Variants in MYO7B observed in about 807,000 individuals in gnomAD.
MYO7B encodes the protein myosin VIIB, also known as unconventional myosin-VIIb.
A neutral mutation model predicts 259.7 loss-of-function variants in MYO7B; 212 were observed. That is an observed-to-expected ratio of 0.82 (90% CI 0.73 to 0.91). The LOEUF (loss-of-function observed/expected upper bound fraction) is 0.91. Among genes scored for constraint, MYO7B ranks in the 40% least tolerant of loss-of-function variants. The pLI is 0.00. For synonymous variants in MYO7B, 1,197 were observed against 1,166.4 expected, an observed-to-expected ratio of 1.03 and a Z score of -0.54; for missense variants, 2,732 against 2,813.5, an observed-to-expected ratio of 0.97 and a Z score of 0.66.
Position 127,593,545 on chromosome 2 carries a change from G to A in MYO7B, c.2146-1G>A. On this transcript the variant is annotated splice_acceptor_variant, in intron 17 of 47. Coordinates refer to ENST00000409816, the MANE Select transcript of MYO7B (RefSeq NM_001393586.1). LOFTEE classifies it high-confidence loss of function. Reference sequence around the variant, plus strand: ...CCGATACCCCCGTTTGGTCTTGGCAGCTGCAAGGCAAGCTCCGCCAGATGA... The same window carrying A: ...CCGATACCCCCGTTTGGTCTTGGCAACTGCAAGGCAAGCTCCGCCAGATGA... The A allele has an allele frequency of 6.2e-7, 1 of 1,612,766 alleles. No individual in the cohort carries two copies. Among genetic ancestry groups the A allele is most frequent in the East Asian group, 2.2e-5 (1 of 44,784 alleles).
At chr2:127,563,728 C>T (rs1386663724) in intron 2 of MYO7B, among the ~76,000 whole-genome samples, 2 of 152,326 alleles carry the variant, frequency 1.3e-5, no homozygotes, top group South Asian at 2.1e-4. Flanking sequence ...TTCTAGTGCT[C>T]GTTTCTGTTT....
At chr2:127,595,461 T>G (rs1679739682) in intron 18 of MYO7B, among the ~76,000 whole-genome samples, 1 of 152,218 alleles carries the variant, frequency 6.6e-6, no homozygotes, top group South Asian at 2.1e-4. Context: ...TTCGTATCTC[T>G]ATCTCCTTCA....
rs759020233 is a variant in MYO7B at position 127,629,739 on chromosome 2, G to A, written c.4719G>A (p.Gln1573=). 2 of 1,612,260 alleles carry A rather than the reference G, an allele frequency of 1.2e-6. No homozygotes were observed. Among genetic ancestry groups the A allele is most frequent in the East Asian group, 2.2e-5 (1 of 44,820 alleles). Residue 1573 remains glutamine, a synonymous_variant, in exon 35 of 48, where the codon CAG becomes CAA. Coordinates refer to ENST00000409816, the MANE Select transcript of MYO7B (RefSeq NM_001393586.1). The stretch of plus-strand genomic sequence containing the variant: ...CCTCTGAGAACTGGACCCTCGGCCA[G>A]AACGACAGGACAGGCAAGACGGGGC... ...LLASENWTLG[Q]NDRTGKTGLV...
intron 44 of MYO7B, 90 bp downstream of exon 44, chr2:127,635,997 C>T (rs546545348): frequency 7.1e-7 from 1 of 1,407,926 alleles, no homozygotes; most frequent in South Asian, 1.4e-5. Flanking sequence ...GCTCCAAGAT[C>T]ACATGGGTGC....
At position 127,627,033 on chromosome 2, in the gene MYO7B, C is replaced by T; in HGVS notation, c.4274C>T (p.Ala1425Val). Residue 1425 changes from alanine to valine, a missense_variant, in exon 32 of 48, where the codon GCC (alanine) becomes GTC (valine). By Grantham distance (64) the Ala-to-Val change is moderately conservative. This residue lies in a region of MYO7B where 1,906 missense variants were observed against 2,026.4 expected (regional missense o/e 0.94). Coordinates refer to ENST00000409816, the MANE Select transcript of MYO7B (RefSeq NM_001393586.1). The surrounding 1 kb of genome is among the most constrained non-coding windows in gnomAD (Gnocchi z 5.6). ...PLAVREQVVDAARLQWPLLFS... is the reference protein window; with the variant it reads ...PLAVREQVVDVARLQWPLLFS... ...GCCGTGCGAGAGCAGGTGGTGGACG[C>T]CGCCCGCCTGCAGTGGCCGCTGCTC... 6.2e-7 allele frequency: 1 copy of T among 1,610,776 alleles called. No homozygotes were observed. The highest frequency in any genetic ancestry group is 8.5e-7 in the Non-Finnish European group (1 of 1,179,200).
chr2:127,564,642 C>T (rs957944913), intron 3 of MYO7B, among the ~76,000 whole-genome samples: 10 of 152,090 alleles, frequency 6.6e-5, no homozygotes, highest in Admixed American at 3.3e-4. Context: ...AGCTCGTCCA[C>T]CAGAGGGGTC....
At chr2:127,536,404 T>A (rs1423290745) in intron 1 of MYO7B, among the ~76,000 whole-genome samples, 1 of 146,320 alleles carries the variant, frequency 6.8e-6, no homozygotes, top group African/African-American at 2.5e-5. Flanking sequence ...CTTGGGCAAT[T>A]GGCTTTAGTC....
At position 127,588,372 on chromosome 2, in the gene MYO7B, T is replaced by C. The variant is rs1679383921; in HGVS notation, c.1691-20T>C. The C allele has an allele frequency of 3.1e-6, 5 of 1,610,950 alleles. No individual in the cohort carries two copies. The East Asian group carries it at 1.1e-4, about 36-fold the overall frequency. ...GTGATGGCTAAGCTGGGATGCTGGG[T>C]GGGCCCTGTGTCTCCACAGGCTTCC... is the stretch of plus-strand genomic sequence containing the variant. On this transcript the variant is annotated intron_variant, in intron 14 of 47. Transcript: ENST00000409816.
At position 127,615,768 on chromosome 2, in the gene MYO7B, A is replaced by G. The variant is rs78309785; in HGVS notation, c.3398+3165A>G. ...ACGACTCTCACTCTTTCGGCCTGCA[A>G]CATCTCTCCCTTTTTGTTTTGAATT... On this transcript the variant is annotated intron_variant, in intron 26 of 47. Coordinates refer to ENST00000409816, the MANE Select transcript of MYO7B (RefSeq NM_001393586.1). The surrounding 1 kb of genome is among the most constrained non-coding windows in gnomAD (Gnocchi z 4.4). Among the ~76,000 whole-genome samples the G allele has an allele frequency of 0.037, 5,652 of 151,868 alleles. 223 individuals carry two copies. Among genetic ancestry groups the G allele is most frequent in the South Asian group, 0.15 (701 of 4,776 alleles).
Position 127,555,978 on chromosome 2 carries a change from A to G in MYO7B, c.-23-3722A>G, listed in dbSNP as rs143290777. Among the ~76,000 whole-genome samples the G allele has an allele frequency of 4.8e-3, 726 of 152,242 alleles. 7 individuals are homozygous for G. The highest frequency in any genetic ancestry group is 0.017 in the African/African-American group (696 of 41,536). ...TGACTTCTGTCTTGAGGACCTGCCT[A>G]GTGCTGCCAGTGGAGTATTGAAGTC... On this transcript the variant is annotated intron_variant, in intron 1 of 47. Coordinates refer to ENST00000409816, the MANE Select transcript of MYO7B (RefSeq NM_001393586.1).
chr2:127,610,311 A>G (rs1361226162), intron 24 of MYO7B, among the ~76,000 whole-genome samples: 1 of 152,046 alleles, frequency 6.6e-6, no homozygotes, highest in African/African-American at 2.4e-5. Context: ...TGCACATAAC[A>G]ATAACAATAA....
intron 1 of MYO7B, among the ~76,000 whole-genome samples, chr2:127,547,677 T>C (rs886571462): frequency 6.6e-6 from 1 of 152,162 alleles, no homozygotes; most frequent in Non-Finnish European, 1.5e-5. Flanking sequence ...ATGATTGTTC[T>C]GAGAGTCCAG....
rs1573619410 is a variant in MYO7B at position 127,559,644 on chromosome 2, G to A, written c.-23-56G>A. ...AACAAGCCCAGCTCCTGTGCTCCAG[G>A]GGCTCCTATTGGGGCTGTGTATGGA... On this transcript the variant is annotated intron_variant, in intron 1 of 47. Coordinates refer to ENST00000409816, the MANE Select transcript of MYO7B (RefSeq NM_001393586.1). The surrounding 1 kb of genome is among the most constrained non-coding windows in gnomAD (Gnocchi z 4.1). 9.1e-6 allele frequency: 14 copies of A among 1,542,076 alleles called. No individual in the cohort carries two copies. The East Asian group carries it at 2.9e-4, about 32-fold the overall frequency.
chr2:127,581,861 G>A (rs1679113375), intron 10 of MYO7B, 30 bp from the exon 11 acceptor site: 10 of 1,612,264 alleles, frequency 6.2e-6, no homozygotes, highest in African/African-American at 1.3e-5. Context: ...TGCTCCACAG[G>A]TGCGACGCAG....
intron 1 of MYO7B, among the ~76,000 whole-genome samples, chr2:127,549,355 T>TGTA: frequency 6.6e-6 from 1 of 152,238 alleles, no homozygotes; most frequent in Non-Finnish European, 1.5e-5. Context: ...AGGGAGTACA[T>TGTA]GTACAGGTTC....
rs931319096 is a variant in MYO7B at position 127,584,920 on chromosome 2, G to A, written c.1690+7G>A. ...GTGTACTACCAAGCAGAAGGTGGGT[G>A]CAGCTCTCCTCTCATGTCCCTTCCA... On this transcript the variant is annotated splice_region_variant and intron_variant, in intron 14 of 47. Transcript: ENST00000409816. This position sits in a 1 kb window ranked among gnomAD's most constrained non-coding sequence, Gnocchi z 5.8. 5.0e-6 allele frequency: 8 copies of A among 1,613,722 alleles called. No homozygotes were observed. The highest frequency in any genetic ancestry group is 5.9e-6 in the Non-Finnish European group (7 of 1,179,808).
At chr2:127,594,384 C>T (rs1043023963) in intron 18 of MYO7B, among the ~76,000 whole-genome samples, 1 of 152,234 alleles carries the variant, frequency 6.6e-6, no homozygotes, top group Non-Finnish European at 1.5e-5. Flanking sequence ...ATCCCTGCTG[C>T]CCCTTCCTCT....
intron 18 of MYO7B, among the ~76,000 whole-genome samples, 185 bp downstream of exon 18, chr2:127,593,829 G>A (rs140454486): frequency 3.3e-5 from 5 of 152,374 alleles, no homozygotes; most frequent in Admixed American, 1.3e-4. Context: ...GGGACAATGA[G>A]GTGGTGGTGA....
In MYO7B at chr2:127,627,218, T is replaced by G. The variant is rs1366406025; in HGVS notation, c.4368T>G (p.Ala1456=). The change falls in exon 33 of 48, where the codon GCT becomes GCG. Residue 1456 remains alanine (A), a synonymous_variant. Transcript: ENST00000409816. The surrounding 1 kb of genome is among the most constrained non-coding windows in gnomAD (Gnocchi z 5.6). ...PRLPKTQLIL[A]VNWKGLCFLD... The stretch of plus-strand genomic sequence containing the variant: ...TGCCCAAGACGCAGCTGATCTTGGC[T>G]GTTAACTGGAAGGGGCTTTGCTTCC... The G allele has an allele frequency of 1.9e-6, 3 of 1,610,678 alleles. No individual in the cohort carries two copies. Among genetic ancestry groups the G allele is most frequent in the Non-Finnish European group, 2.5e-6 (3 of 1,178,678 alleles).
Sources: allele counts gnomAD v4.1 joint callset (sites outside exome capture counted in the v4.1 genomes callset), GRCh38; gene constraint gnomAD v4.1.1; regional missense constraint gnomAD v4.1.1; non-coding constraint Gnocchi (gnomAD v3.1); transcripts MANE v1.5; gene names NCBI Gene and HGNC (gene_info 2026-07-23, HGNC 2026-07-21).